The following TBC1D5 variants were observed in gnomAD, a reference collection of about 807,000 sequenced individuals.
TBC1D5 encodes TBC1 domain family member 5.
A neutral mutation model predicts 100.3 loss-of-function variants in TBC1D5; 75 were observed. The ratio of observed to expected loss-of-function variants is 0.75; its 90% confidence interval spans 0.62 to 0.91. TBC1D5 has a LOEUF of 0.91. Ranked by LOEUF, TBC1D5 falls within the 40% of genes least tolerant of loss-of-function variation. The pLI, the probability that TBC1D5 is intolerant of heterozygous loss-of-function variation, is 0.00. For synonymous variants in TBC1D5, 323 were observed against 325.6 expected (o/e 0.99, Z 0.09); for missense variants, 910 against 942.4 (o/e 0.97, Z 0.45).
chr3:17,166,621 G>T, intron 21 of TBC1D5, 146 bp downstream of exon 22: 1 of 1,063,510 alleles, frequency 9.4e-7, no homozygotes, highest in Non-Finnish European at 1.3e-6. Context: ...TGCACAGCCT[G>T]CACAGCTGTA....
chr3:17,422,668 A>ATTGT (rs2094240131), intron 4 of TBC1D5, among the ~76,000 whole-genome samples: 1 of 152,194 alleles, frequency 6.6e-6, no homozygotes, highest in African/African-American at 2.4e-5. Context: ...AAGATATATA[A>ATTGT]TTCTCTTACA....
At chr3:17,489,154 A>C (rs893205699) in intron 3 of TBC1D5, among the ~76,000 whole-genome samples, 5 of 152,060 alleles carry the variant, frequency 3.3e-5, no homozygotes, top group Non-Finnish European at 7.4e-5. Context: ...ATGAGTATCA[A>C]ATAAGGGTCA....
intron 19 of TBC1D5, among the ~76,000 whole-genome samples, chr3:17,168,172 C>T (rs1056840138): frequency 6.6e-6 from 1 of 152,196 alleles, no homozygotes; most frequent in African/African-American, 2.4e-5. Context: ...GCTTTTCAGC[C>T]TGGGCTTCCT....
intron 2 of TBC1D5, among the ~76,000 whole-genome samples, chr3:17,528,002 C>T (rs1327293862): frequency 6.6e-6 from 1 of 151,972 alleles, no homozygotes; most frequent in Non-Finnish European, 1.5e-5. Context: ...GTTGGATCGC[C>T]TCCCAAATTC....
intron 16 of TBC1D5, among the ~76,000 whole-genome samples, chr3:17,254,008 C>A (rs953534137): frequency 1.3e-5 from 2 of 152,176 alleles, no homozygotes; most frequent in Non-Finnish European, 2.9e-5. Context: ...TGCAGGTGGT[C>A]CTGGAACCAA....
chr3:17,490,268 A>C (rs987884191), intron 3 of TBC1D5, among the ~76,000 whole-genome samples: 1 of 152,148 alleles, frequency 6.6e-6, no homozygotes, highest in African/African-American at 2.4e-5. Flanking sequence ...GAGATATTGC[A>C]AAAATTTTCT....
intron 1 of TBC1D5, among the ~76,000 whole-genome samples, chr3:17,653,016 T>C (rs2065725236): frequency 6.6e-6 from 1 of 152,158 alleles, no homozygotes; most frequent in Non-Finnish European, 1.5e-5. Context: ...GGACAAACCT[T>C]AAAAACACTG....
chr3:17,414,308 A>C (rs1410631775), intron 4 of TBC1D5, among the ~76,000 whole-genome samples: 1 of 152,178 alleles, frequency 6.6e-6, no homozygotes, highest in African/African-American at 2.4e-5. Flanking sequence ...CATAATCCTA[A>C]AGTACATGCC....
chr3:17,668,122 T>TA (rs1425755256), intron 1 of TBC1D5, among the ~76,000 whole-genome samples: 2 of 148,500 alleles, frequency 1.3e-5, no homozygotes, highest in Non-Finnish European at 3.0e-5. Flanking sequence ...TAATTTCACT[T>TA]AAAAATATAT....
chr3:17,655,620 G>A (rs978595021), intron 1 of TBC1D5, among the ~76,000 whole-genome samples: 35 of 151,930 alleles, frequency 2.3e-4, no homozygotes, highest in African/African-American at 7.7e-4. Flanking sequence ...ACCTGCAATA[G>A]GTTGAGGATC....
chr3:17,606,726 A>G (rs1053232715), intron 2 of TBC1D5, among the ~76,000 whole-genome samples: 2 of 152,186 alleles, frequency 1.3e-5, no homozygotes, highest in African/African-American at 2.4e-5. Context: ...TGGGTTTTTA[A>G]AATTGTTTTG....
In TBC1D5 at chr3:17,431,669, T is replaced by C. The variant is rs113185985; in HGVS notation, c.98-3150A>G. The stretch of plus-strand genomic sequence containing the variant: ...ATGGGTTCATAATATTCAATGAAAA[T>C]AAATTGCTGATTTGCAAAAATATGC... On this transcript the variant is annotated intron_variant, in intron 3 of 21. Coordinates refer to ENST00000253692, the Ensembl canonical transcript of TBC1D5. 3.3e-5 allele frequency among the ~76,000 whole-genome samples: 5 copies of C among 152,170 alleles called. No individual in the cohort carries two copies. The South Asian group carries it at 6.2e-4, about 19-fold the overall frequency.
intron 13 of TBC1D5, among the ~76,000 whole-genome samples, chr3:17,322,020 T>C (rs1033650354): frequency 1.3e-5 from 2 of 152,242 alleles, no homozygotes; most frequent in Admixed American, 6.5e-5. Context: ...CTTACTACTA[T>C]TGCATTCCTA....
At chr3:17,556,324 G>C (rs999242526) in intron 2 of TBC1D5, among the ~76,000 whole-genome samples, 5 of 152,038 alleles carry the variant, frequency 3.3e-5, no homozygotes, top group Non-Finnish European at 5.9e-5. Context: ...AGCCTAGTTT[G>C]TTTTTAAGCC....
intron 1 of TBC1D5, among the ~76,000 whole-genome samples, chr3:17,627,811 T>A (rs1023310392): frequency 6.6e-6 from 1 of 152,038 alleles, no homozygotes; most frequent in Non-Finnish European, 1.5e-5. Flanking sequence ...ATTTTCCTTT[T>A]AAAAAGTCCT....
intron 13 of TBC1D5, among the ~76,000 whole-genome samples, chr3:17,352,874 C>T (rs1290274701): frequency 6.6e-6 from 1 of 152,008 alleles, no homozygotes; most frequent in Non-Finnish European, 1.5e-5. Context: ...AGAGCTAATA[C>T]CACTCAAGTC....
At chr3:17,216,247 T>C (rs2073617424) in intron 17 of TBC1D5, among the ~76,000 whole-genome samples, 1 of 152,112 alleles carries the variant, frequency 6.6e-6, no homozygotes, top group African/African-American at 2.4e-5. Flanking sequence ...GGTTTTGAAC[T>C]AACATCATGC....
At chr3:17,489,527 C>A (rs2095612124) in intron 3 of TBC1D5, among the ~76,000 whole-genome samples, 1 of 152,168 alleles carries the variant, frequency 6.6e-6, no homozygotes, top group Non-Finnish European at 1.5e-5. Context: ...ATTCCCCTCC[C>A]TGTGTCCATG....
At position 17,161,182 on chromosome 3, in the gene TBC1D5, A is replaced by G. The variant is rs1208214771; in HGVS notation, c.2169T>C (p.Asp723=). Residue 723 remains aspartate, a synonymous_variant, in exon 22 of 22, where the codon GAT becomes GAC. Coordinates refer to ENST00000253692, the Ensembl canonical transcript of TBC1D5. Reference sequence around the variant, plus strand: ...AGAAGGAGCCCCTGGCACTGCTCCCATCATCATCTTTGGAAATCAGGATGA... The same window carrying G: ...AGAAGGAGCCCCTGGCACTGCTCCCGTCATCATCTTTGGAAATCAGGATGA... 7 of 1,614,100 alleles carry G rather than the reference A, an allele frequency of 4.3e-6. No individual in the cohort carries two copies. In the Admixed American group the frequency reaches 6.7e-5, roughly 15 times the overall value.
Sources: allele counts gnomAD v4.1 joint callset (sites outside exome capture counted in the v4.1 genomes callset), GRCh38; gene constraint gnomAD v4.1.1; transcripts MANE v1.5; gene names NCBI Gene and HGNC (gene_info 2026-07-23, HGNC 2026-07-21).